The following SVOPL variants were observed in gnomAD, a reference collection of about 807,000 sequenced individuals.
SVOPL encodes the protein SVOP like.
A neutral mutation model predicts 61.0 loss-of-function variants in SVOPL; 60 were observed. That is an observed-to-expected ratio of 0.98 (90% CI 0.80 to 1.22). The LOEUF (loss-of-function observed/expected upper bound fraction) is 1.22. Among genes scored for constraint, SVOPL ranks in the 50% most tolerant of loss-of-function variants. SVOPL has a pLI of 0.00. For synonymous variants in SVOPL, 279 were observed against 250.0 expected (o/e 1.12, Z -1.09); for missense variants, 662 against 643.9 (o/e 1.03, Z -0.30).
intron 10 of SVOPL, among the ~76,000 whole-genome samples, chr7:138,629,352 T>C (rs1800062860): frequency 6.6e-6 from 1 of 151,716 alleles, no homozygotes; most frequent in Non-Finnish European, 1.5e-5. Context: ...TGCCTCAGCC[T>C]CCCAAGTAGC....
intron 3 of SVOPL, among the ~76,000 whole-genome samples, chr7:138,675,036 T>G (rs1419168577): frequency 1.3e-5 from 2 of 152,110 alleles, no homozygotes. Context: ...TAAGGAAATC[T>G]TCTCAATTGT....
intron 15 of SVOPL, among the ~76,000 whole-genome samples, chr7:138,595,855 A>T (rs1333487979): frequency 6.6e-6 from 1 of 152,174 alleles, no homozygotes; most frequent in Non-Finnish European, 1.5e-5. Context: ...TAATCTGATT[A>T]AAATGCATTG....
intron 4 of SVOPL, among the ~76,000 whole-genome samples, chr7:138,665,806 CT>C (rs1802239158): frequency 6.6e-6 from 1 of 152,162 alleles, no homozygotes; most frequent in South Asian, 2.1e-4. Context: ...GCAAGTAACG[CT>C]TTTCTGAAAG....
At chr7:138,685,965 G>C (rs1188428196) in intron 1 of SVOPL, among the ~76,000 whole-genome samples, 1 of 152,164 alleles carries the variant, frequency 6.6e-6, no homozygotes, top group Non-Finnish European at 1.5e-5. Context: ...TGGTTTCACA[G>C]TGATACTTAT....
chr7:138,610,959 T>C (rs934323888), intron 14 of SVOPL, among the ~76,000 whole-genome samples: 3 of 152,220 alleles, frequency 2.0e-5, no homozygotes, highest in African/African-American at 7.2e-5. Flanking sequence ...CTGACTGTGC[T>C]CAAGCCCCTG....
At chr7:138,597,633 A>G (rs1254812065) in intron 14 of SVOPL, among the ~76,000 whole-genome samples, 2 of 119,428 alleles carry the variant, frequency 1.7e-5, no homozygotes, top group African/African-American at 5.6e-5. Context: ...GAGTTTGTAT[A>G]ACGTCTGCGT....
chr7:138,691,120 G>A (rs1191015923), intron 1 of SVOPL, among the ~76,000 whole-genome samples: 1 of 152,112 alleles, frequency 6.6e-6, no homozygotes, highest in East Asian at 1.9e-4. Flanking sequence ...GGTGGATTAT[G>A]TCAATTATAT....
intron 12 of SVOPL, among the ~76,000 whole-genome samples, chr7:138,626,607 G>T (rs2116905740): frequency 6.6e-6 from 1 of 152,178 alleles, no homozygotes; most frequent in African/African-American, 2.4e-5. Flanking sequence ...TGTCCAAGCT[G>T]ATCTTGAACT....
At chr7:138,630,776 C>T (rs541690569) in intron 9 of SVOPL, among the ~76,000 whole-genome samples, 17 of 152,020 alleles carry the variant, frequency 1.1e-4, no homozygotes, top group Admixed American at 6.6e-4. Flanking sequence ...AAGCCCGTCT[C>T]TACCAAAAAT....
At chr7:138,689,858 A>AAG (rs1802902691) in intron 1 of SVOPL, among the ~76,000 whole-genome samples, 2 of 149,042 alleles carry the variant, frequency 1.3e-5, no homozygotes, top group African/African-American at 4.9e-5. Flanking sequence ...CTCCGTCTCA[A>AAG]AAAAAAAAAA....
At chr7:138,635,903 T>C (rs898940748) in intron 9 of SVOPL, among the ~76,000 whole-genome samples, 4 of 152,052 alleles carry the variant, frequency 2.6e-5, no homozygotes, top group Admixed American at 2.6e-4. Context: ...CCACACAACA[T>C]AGAAAATAAA....
intron 14 of SVOPL, among the ~76,000 whole-genome samples, chr7:138,618,825 G>A (rs775079402): frequency 1.6e-4 from 25 of 152,050 alleles, no homozygotes; most frequent in Non-Finnish European, 3.5e-4. Context: ...AAATGAAAAT[G>A]AAAATAAATG....
intron 14 of SVOPL, among the ~76,000 whole-genome samples, chr7:138,608,036 A>T (rs942724288): frequency 6.6e-6 from 1 of 152,358 alleles, no homozygotes; most frequent in Non-Finnish European, 1.5e-5. Flanking sequence ...ATGCCATAAG[A>T]TGCCTAGGAA....
chr7:138,665,913 T>G (rs1802244035), intron 4 of SVOPL, among the ~76,000 whole-genome samples: 1 of 152,132 alleles, frequency 6.6e-6, no homozygotes, highest in African/African-American at 2.4e-5. Context: ...AAAACTGTAA[T>G]AAGGACTCTG....
At chr7:138,668,397 G>T (rs1435625168) in intron 4 of SVOPL, among the ~76,000 whole-genome samples, 1 of 152,148 alleles carries the variant, frequency 6.6e-6, no homozygotes, top group East Asian at 1.9e-4. Flanking sequence ...TGTCTAGTCA[G>T]CGGGCAAGGT....
rs190525652 is a variant in SVOPL, at chr7:138,689,720, G to A, written c.-34-10641C>T. 5.9e-5 allele frequency among the ~76,000 whole-genome samples: 9 copies of A among 151,894 alleles called. No individual in the cohort carries two copies. In the East Asian group the frequency reaches 1.6e-3, roughly 26 times the overall value. On this transcript the variant is annotated intron_variant, in intron 1 of 15. Transcript: ENST00000674285. ...AAAAATACAAAAATTAGCCGGGCACGGTGGCGCACACCTGTAATCCCAGCT... is the reference window on the plus strand; with the variant it reads ...AAAAATACAAAAATTAGCCGGGCACAGTGGCGCACACCTGTAATCCCAGCT...
intron 6 of SVOPL, among the ~76,000 whole-genome samples, chr7:138,659,570 T>TA (rs1801909319): frequency 6.6e-6 from 1 of 152,110 alleles, no homozygotes; most frequent in Non-Finnish European, 1.5e-5. Flanking sequence ...GTCCTGCCCT[T>TA]CCAGATGGAA....
At chr7:138,603,955 CTT>C (rs560678707) in intron 14 of SVOPL, among the ~76,000 whole-genome samples, 32 of 109,236 alleles carry the variant, frequency 2.9e-4, no homozygotes, top group Non-Finnish European at 3.4e-4. Flanking sequence ...TTAATTTATT[CTT>C]TTTTTTTTTT....
At chr7:138,641,814 TTATATATA>T (rs10666134) in intron 9 of SVOPL, among the ~76,000 whole-genome samples, 2 of 120,972 alleles carry the variant, frequency 1.7e-5, no homozygotes, top group Admixed American at 9.2e-5. Flanking sequence ...TATATATATG[TTATATATA>T]TATATATATA....
Sources: allele counts gnomAD v4.1 joint callset (sites outside exome capture counted in the v4.1 genomes callset), GRCh38; gene constraint gnomAD v4.1.1; transcripts MANE v1.5; gene names NCBI Gene and HGNC (gene_info 2026-07-23, HGNC 2026-07-21).